Variants in KCND2 observed in about 807,000 individuals in gnomAD.
The protein encoded by KCND2 is potassium voltage-gated channel subfamily D member 2.
A neutral mutation model predicts 54.4 loss-of-function variants in KCND2; 16 were observed. The ratio of observed to expected loss-of-function variants is 0.29; its 90% confidence interval spans 0.20 to 0.45. The LOEUF (loss-of-function observed/expected upper bound fraction) is 0.45. KCND2 is among the 20% of genes least tolerant of loss of function. KCND2 has a pLI of 1.00. For missense variants in KCND2, 486 were observed against 824.2 expected, an observed-to-expected ratio of 0.59 and a Z score of 5.02; for synonymous variants, 317 against 310.7, an observed-to-expected ratio of 1.02 and a Z score of -0.21.
chr7:120,309,474 T>TACACAC (rs1209573900), intron 1 of KCND2, among the ~76,000 whole-genome samples: 36 of 113,272 alleles, frequency 3.2e-4, no homozygotes, highest in African/African-American at 1.1e-3. Flanking sequence ...TATATATATA[T>TACACAC]ACACACACAC....
intron 1 of KCND2, among the ~76,000 whole-genome samples, chr7:120,496,279 C>CT (rs890849663): frequency 1.3e-5 from 2 of 152,000 alleles, no homozygotes; most frequent in African/African-American, 4.8e-5. Context: ...TCTCTATACT[C>CT]TTTTTGTGTC....
At chr7:120,663,312 C>A (rs1375194916) in intron 1 of KCND2, among the ~76,000 whole-genome samples, 2 of 151,890 alleles carry the variant, frequency 1.3e-5, no homozygotes, top group Non-Finnish European at 2.9e-5. Context: ...ATAAAAAGAC[C>A]AAAATAACAA....
intron 1 of KCND2, among the ~76,000 whole-genome samples, chr7:120,606,391 A>G (rs780762670): frequency 4.0e-5 from 6 of 151,876 alleles, no homozygotes; most frequent in Non-Finnish European, 7.4e-5. Context: ...ATGAAGTCCT[A>G]TTTGTCTTTC....
At chr7:120,521,704 T>C (rs752413435) in intron 1 of KCND2, among the ~76,000 whole-genome samples, 3 of 152,174 alleles carry the variant, frequency 2.0e-5, no homozygotes, top group South Asian at 2.1e-4. Flanking sequence ...AAAACTACTT[T>C]ATAAATGTAA....
At chr7:120,529,923 A>T (rs1791822521) in intron 1 of KCND2, among the ~76,000 whole-genome samples, 1 of 152,038 alleles carries the variant, frequency 6.6e-6, no homozygotes, top group Non-Finnish European at 1.5e-5. Flanking sequence ...CTCTAAAAAA[A>T]TTTAAAAATT....
At chr7:120,373,620 G>A (rs1344476555) in intron 1 of KCND2, among the ~76,000 whole-genome samples, 2 of 151,834 alleles carry the variant, frequency 1.3e-5, no homozygotes, top group African/African-American at 4.8e-5. Context: ...GCGATCATCA[G>A]TGTGAACACT....
chr7:120,433,942 G>A (rs1277129167), intron 1 of KCND2, among the ~76,000 whole-genome samples: 17 of 152,128 alleles, frequency 1.1e-4, no homozygotes, highest in Non-Finnish European at 2.5e-4. Flanking sequence ...TCACTACCGA[G>A]GGAATAGCAT....
intron 1 of KCND2, among the ~76,000 whole-genome samples, chr7:120,284,281 ACACACATGCACACG>A (rs1228839821): frequency 1.3e-5 from 2 of 152,026 alleles, no homozygotes; most frequent in African/African-American, 4.8e-5. Context: ...GCTAACACAC[ACACACATGCACACG>A]CACACACACA....
At chr7:120,297,262 C>T (rs1799525744) in intron 1 of KCND2, among the ~76,000 whole-genome samples, 1 of 152,030 alleles carries the variant, frequency 6.6e-6, no homozygotes, top group Admixed American at 6.6e-5. Flanking sequence ...TCTCTATGTC[C>T]ACATGTACAC....
At chr7:120,367,977 G>C (rs892557327) in intron 1 of KCND2, among the ~76,000 whole-genome samples, 2 of 152,012 alleles carry the variant, frequency 1.3e-5, no homozygotes, top group Admixed American at 1.3e-4. Context: ...TGGGATAGTT[G>C]TTTTATTTGA....
intron 1 of KCND2, among the ~76,000 whole-genome samples, chr7:120,586,164 C>T (rs899848917): frequency 6.6e-6 from 1 of 151,944 alleles, no homozygotes; most frequent in South Asian, 2.1e-4. Context: ...TACTCACACA[C>T]AGACACACAC....
At chr7:120,623,014 A>G (rs548917397) in intron 1 of KCND2, among the ~76,000 whole-genome samples, 6 of 152,222 alleles carry the variant, frequency 3.9e-5, no homozygotes, top group Non-Finnish European at 8.8e-5. Flanking sequence ...ATATATTAAT[A>G]GTAATATAAT....
chr7:120,402,351 G>A (rs896614518), intron 1 of KCND2, among the ~76,000 whole-genome samples: 1 of 152,140 alleles, frequency 6.6e-6, no homozygotes, highest in African/African-American at 2.4e-5. Flanking sequence ...GAGTACAACG[G>A]AATGATTGTA....
chr7:120,636,697 G>T (rs888247349), intron 1 of KCND2, among the ~76,000 whole-genome samples: 1 of 152,076 alleles, frequency 6.6e-6, no homozygotes, highest in Non-Finnish European at 1.5e-5. Flanking sequence ...ATCTCGATGT[G>T]AAAGTATGCA....
chr7:120,277,055 T>C (rs758450610), intron 1 of KCND2, among the ~76,000 whole-genome samples: 3 of 152,142 alleles, frequency 2.0e-5, no homozygotes, highest in Non-Finnish European at 2.9e-5. Context: ...TTATTAGACA[T>C]ATTGTGTTGT....
intron 1 of KCND2, among the ~76,000 whole-genome samples, chr7:120,517,924 C>T (rs901770952): frequency 2.3e-4 from 35 of 152,108 alleles, no homozygotes; most frequent in African/African-American, 8.2e-4. Flanking sequence ...CTTCTTAGAA[C>T]ACATAAGCAT....
At chr7:120,712,425 AT>A (rs1160485246) in intron 1 of KCND2, among the ~76,000 whole-genome samples, 46 of 140,468 alleles carry the variant, frequency 3.3e-4, no homozygotes, top group South Asian at 6.8e-4. Flanking sequence ...TACCACGCCC[AT>A]TTTTTTTTTT....
chr7:120,631,171 C>T (rs115061385), intron 1 of KCND2, among the ~76,000 whole-genome samples: 1 of 151,950 alleles, frequency 6.6e-6, no homozygotes, highest in Non-Finnish European at 1.5e-5. Flanking sequence ...AATACTGTTG[C>T]AAGTATAAAT....
intron 1 of KCND2, among the ~76,000 whole-genome samples, chr7:120,438,303 AAC>A (rs1801899010): frequency 6.6e-6 from 1 of 152,182 alleles, no homozygotes; most frequent in African/African-American, 2.4e-5. Context: ...ATGGGGATGT[AAC>A]AGTTTTCACA....
Sources: allele counts gnomAD v4.1 joint callset (sites outside exome capture counted in the v4.1 genomes callset), GRCh38; gene constraint gnomAD v4.1.1; transcripts MANE v1.5; gene names NCBI Gene and HGNC (gene_info 2026-07-23, HGNC 2026-07-21).